SGCD: variants seen among roughly 807,000 people sequenced by gnomAD.
SGCD encodes the protein delta-sarcoglycan.
SGCD carries 18 observed loss-of-function variants against 36.6 expected under a neutral mutation model. The ratio of observed to expected loss-of-function variants is 0.49; its 90% CI spans 0.34 to 0.73. The LOEUF (loss-of-function observed/expected upper bound fraction) is 0.73, where lower values mean the gene tolerates loss of function less well. SGCD is among the 30% of genes least tolerant of loss of function. The pLI is 0.01. For synonymous variants in SGCD, 133 were observed against 130.6 expected (o/e 1.02, Z -0.12); for missense variants, 387 against 346.7 (o/e 1.12, Z -0.92).
At chr5:156,678,488 A>C (rs905644371) in intron 7 of SGCD, among the ~76,000 whole-genome samples, 1 of 152,236 alleles carries the variant, frequency 6.6e-6, no homozygotes, top group Non-Finnish European at 1.5e-5. Context: ...TAAGTGTATG[A>C]AAAGTACACA....
chr5:156,412,568 C>T (rs889473112), intron 3 of SGCD, among the ~76,000 whole-genome samples: 1 of 152,140 alleles, frequency 6.6e-6, no homozygotes, highest in Non-Finnish European at 1.5e-5. Context: ...ACAGGAAAAT[C>T]AAGTTACTTT....
At chr5:156,147,269 A>C (rs771024313) in intron 3 of SGCD, among the ~76,000 whole-genome samples, 4 of 152,210 alleles carry the variant, frequency 2.6e-5, no homozygotes, top group Non-Finnish European at 5.9e-5. Context: ...AGCAATATCA[A>C]ACACTGAATT....
chr5:156,222,987 C>T (rs996987536), intron 3 of SGCD, among the ~76,000 whole-genome samples: 9 of 152,066 alleles, frequency 5.9e-5, no homozygotes, highest in African/African-American at 2.2e-4. Context: ...CATTGACCTC[C>T]CCCTACCCAC....
At chr5:155,743,156 A>T in the SGCD span, among the ~76,000 whole-genome samples, 7 of 152,076 alleles carry the variant, frequency 4.6e-5, no homozygotes, top group East Asian at 1.4e-3. Flanking sequence ...TTGATGATCA[A>T]CTCAGCCTCT....
intron 8 of SGCD, 132 bp from the exon 9 acceptor site, chr5:156,759,085 C>A: frequency 1.5e-6 from 1 of 676,136 alleles, no homozygotes; most frequent in Non-Finnish European, 2.6e-6. Flanking sequence ...TCCCCAGTAC[C>A]AAAAATAATC....
At chr5:156,308,622 C>T (rs1767303737) in intron 3 of SGCD, among the ~76,000 whole-genome samples, 1 of 152,092 alleles carries the variant, frequency 6.6e-6, no homozygotes, top group Admixed American at 6.5e-5. Context: ...TTTAAACAAT[C>T]AGCTGTCATG....
At chr5:156,227,381 T>C (rs1322131900) in intron 3 of SGCD, among the ~76,000 whole-genome samples, 1 of 152,204 alleles carries the variant, frequency 6.6e-6, no homozygotes, top group African/African-American at 2.4e-5. Context: ...TTCATGTTTT[T>C]GTTTGCTTTG....
chr5:156,338,435 G>T (rs928413568), intron 2 of SGCD, among the ~76,000 whole-genome samples: 3 of 152,120 alleles, frequency 2.0e-5, no homozygotes, highest in African/African-American at 7.2e-5. Flanking sequence ...TCTTCTCAAT[G>T]ACCTGTAAGA....
At chr5:155,733,013 CGTTT>C in the SGCD span, among the ~76,000 whole-genome samples, 1 of 71,228 alleles carries the variant, frequency 1.4e-5, no homozygotes, top group East Asian at 5.9e-4. Context: ...TTGTTATACT[CGTTT>C]TTTTTTTTTT....
intron 6 of SGCD, among the ~76,000 whole-genome samples, chr5:156,622,823 A>G (rs1163876806): frequency 6.6e-6 from 1 of 152,056 alleles, no homozygotes; most frequent in South Asian, 2.1e-4. Flanking sequence ...GACGAAACCT[A>G]TTACGTGAGT....
At chr5:155,877,899 G>A (rs1220725014) in intron 1 of SGCD, among the ~76,000 whole-genome samples, 2 of 152,032 alleles carry the variant, frequency 1.3e-5, no homozygotes, top group East Asian at 3.9e-4. Context: ...TACATGTTAA[G>A]GTCAAACTCT....
intron 3 of SGCD, among the ~76,000 whole-genome samples, chr5:156,166,011 A>G (rs116875571): frequency 0.016 from 2,508 of 152,238 alleles, 161 homozygotes; most frequent in Admixed American, 0.12. Flanking sequence ...CTTTGTATGA[A>G]AACTGTTCCT....
At chr5:156,142,780 C>G (rs533840593) in intron 3 of SGCD, among the ~76,000 whole-genome samples, 1 of 152,120 alleles carries the variant, frequency 6.6e-6, no homozygotes, top group East Asian at 1.9e-4. Context: ...CAGCCTAAGT[C>G]CTTATGTATG....
At chr5:156,474,688 G>A (rs1755107907) in intron 3 of SGCD, among the ~76,000 whole-genome samples, 3 of 152,170 alleles carry the variant, frequency 2.0e-5, no homozygotes, top group Admixed American at 6.5e-5. Context: ...CTCTAATTTG[G>A]AATTCTTAAA....
chr5:156,421,069 A>AAAAT (rs987315313), intron 3 of SGCD, among the ~76,000 whole-genome samples: 1 of 152,098 alleles, frequency 6.6e-6, no homozygotes, highest in African/African-American at 2.4e-5. Flanking sequence ...CCTGAAAATA[A>AAAAT]AAATAAATAA....
chr5:156,367,576 T>C (rs1770169495), intron 3 of SGCD, among the ~76,000 whole-genome samples: 1 of 152,208 alleles, frequency 6.6e-6, no homozygotes, highest in South Asian at 2.1e-4. Flanking sequence ...TTGCAACATA[T>C]TGGAACATAC....
At chr5:155,927,999 G>A (rs935674375) in intron 1 of SGCD, among the ~76,000 whole-genome samples, 6 of 152,184 alleles carry the variant, frequency 3.9e-5, no homozygotes, top group Admixed American at 1.3e-4. Flanking sequence ...AACAAAAGGC[G>A]TGCTCATGGG....
chr5:155,740,263 C>T, the SGCD span, among the ~76,000 whole-genome samples: 1 of 152,064 alleles, frequency 6.6e-6, no homozygotes, highest in Admixed American at 6.6e-5. Context: ...CATGCCCTGC[C>T]TATTTTTAGG....
chr5:155,782,025 T>C, the SGCD span, among the ~76,000 whole-genome samples: 3 of 108,736 alleles, frequency 2.8e-5, no homozygotes, highest in African/African-American at 1.1e-4. Context: ...ATTTTTCTTT[T>C]CTTTTTTTTT....
Sources: gnomAD v4.1 joint callset for allele counts (sites outside exome capture counted in the v4.1 genomes callset) on GRCh38, gnomAD v4.1.1 for gene constraint, MANE v1.5 for transcripts, NCBI Gene and HGNC (gene_info 2026-07-23, HGNC 2026-07-21) for gene names.